STON1: variants seen among roughly 807,000 people sequenced by gnomAD.
STON1 encodes stonin-1.
STON1 carries 79 observed loss-of-function variants against 60.9 expected under a neutral mutation model. The observed-to-expected ratio is 1.30, with a 90% CI of 1.08 to 1.56. The LOEUF is 1.56. STON1 is among the 40% of genes most tolerant of loss of function. The pLI is 0.00. For synonymous variants in STON1, 363 were observed against 306.9 expected (o/e 1.18, Z -1.91); for missense variants, 1,166 against 858.9 (o/e 1.36, Z -4.47).
intron 1 of STON1, among the ~76,000 whole-genome samples, chr2:48,558,974 C>T (rs149649552): frequency 2.0e-5 from 3 of 152,136 alleles, no homozygotes; most frequent in East Asian, 1.9e-4. Context: ...CGAATGCTGA[C>T]CTGAGGCTGA....
chr2:48,570,851 T>G (rs1238484105), intron 1 of STON1, among the ~76,000 whole-genome samples: 2 of 137,202 alleles, frequency 1.5e-5, no homozygotes, highest in African/African-American at 2.8e-5. Context: ...GAGTTTTTTT[T>G]TTTTTTTTTT....
intron 1 of STON1, among the ~76,000 whole-genome samples, chr2:48,532,450 A>C (rs1021377917): frequency 4.6e-5 from 7 of 151,072 alleles, no homozygotes; most frequent in African/African-American, 9.7e-5. Context: ...AAAAAAAAAA[A>C]AACAACAAAA....
At chr2:48,570,787 A>C (rs747629003) in intron 1 of STON1, among the ~76,000 whole-genome samples, 2 of 148,610 alleles carry the variant, frequency 1.3e-5, no homozygotes, top group South Asian at 4.2e-4. Context: ...GCCATAATAC[A>C]TACTCCTTTT....
rs59738093 is a variant in STON1 at position 48,590,138 on chromosome 2, G to A, written c.1931-1515G>A. Among the ~76,000 whole-genome samples the A allele has an allele frequency of 6.6e-3, 999 of 152,226 alleles. 13 individuals carry two copies. Among genetic ancestry groups the A allele is most frequent in the African/African-American group, 0.022 (928 of 41,512 alleles). ...GACAGAGGACTAAAAAGAGTAATGG[G>A]GTTTGCAATCTTTCTGGGTGTGTGT... On this transcript the variant is annotated intron_variant, in intron 2 of 3. Transcript: ENST00000404752.
At chr2:48,575,714 G>A (rs1673450227) in intron 1 of STON1, among the ~76,000 whole-genome samples, 1 of 149,928 alleles carries the variant, frequency 6.7e-6, no homozygotes, top group Non-Finnish European at 1.5e-5. Context: ...ATACCCGTAA[G>A]TGGATTGCTG....
intron 2 of STON1, among the ~76,000 whole-genome samples, chr2:48,586,712 G>A (rs116148970): frequency 0.21 from 1,062 of 5,004 alleles, 14 homozygotes; most frequent in African/African-American, 0.46. Flanking sequence ...ACAGGGCCTC[G>A]GGGTTGTTTT....
At position 48,581,588 on chromosome 2, in the gene STON1, T is replaced by C. The variant is rs1407766180; in HGVS notation, c.955T>C (p.Phe319Leu). 6.2e-7 allele frequency: 1 copy of C among 1,614,086 alleles called. No homozygotes were observed. Among genetic ancestry groups the C allele is most frequent in the East Asian group, 2.2e-5 (1 of 44,902 alleles). Residue 319 changes from phenylalanine to leucine, a missense_variant, in exon 2 of 4, where the codon TTT (phenylalanine) becomes CTT (leucine). Phe to Leu is a conservative substitution (Grantham distance 22). Coordinates refer to ENST00000404752, the MANE Select transcript of STON1 (RefSeq NM_006873.4). ...MYYEQGLEKP[F>L]KEIQLDPYCR... Reference sequence around the variant, plus strand: ...TTATGAACAGGGATTAGAAAAACCATTTAAAGAGATACAGCTTGATCCATA... The same window carrying C: ...TTATGAACAGGGATTAGAAAAACCACTTAAAGAGATACAGCTTGATCCATA...
chr2:48,573,803 A>C (rs1482362059), intron 1 of STON1, among the ~76,000 whole-genome samples: 1 of 152,360 alleles, frequency 6.6e-6, no homozygotes, highest in East Asian at 1.9e-4. Flanking sequence ...GGATAAACAA[A>C]GTGTGATATT....
intron 1 of STON1, among the ~76,000 whole-genome samples, chr2:48,570,487 T>A (rs1673147346): frequency 6.6e-6 from 1 of 152,178 alleles, no homozygotes; most frequent in Non-Finnish European, 1.5e-5. Flanking sequence ...ATTAGTTAGT[T>A]CAGGGCTTCC....
chr2:48,569,813 T>G (rs1200820463), intron 1 of STON1, among the ~76,000 whole-genome samples: 1 of 152,226 alleles, frequency 6.6e-6, no homozygotes, highest in Non-Finnish European at 1.5e-5. Flanking sequence ...TTTTAGATTT[T>G]TTTGGATTTT....
At chr2:48,572,456 G>A (rs1456139309) in intron 1 of STON1, among the ~76,000 whole-genome samples, 1 of 152,138 alleles carries the variant, frequency 6.6e-6, no homozygotes, top group African/African-American at 2.4e-5. Flanking sequence ...ATAGATCTGG[G>A]TTTCAAGGTA....
At chr2:48,557,735 C>T (rs1672442034) in intron 1 of STON1, among the ~76,000 whole-genome samples, 1 of 152,116 alleles carries the variant, frequency 6.6e-6, no homozygotes, top group Non-Finnish European at 1.5e-5. Context: ...GGGCTAAGTG[C>T]AAAATTTTTT....
intron 1 of STON1, among the ~76,000 whole-genome samples, chr2:48,554,466 G>A (rs1672226769): frequency 1.3e-5 from 2 of 151,952 alleles, no homozygotes; most frequent in Admixed American, 6.6e-5. Context: ...CAGGTGATCT[G>A]CCTGCCTCGG....
chr2:48,557,772 T>C (rs1360845514), intron 1 of STON1, among the ~76,000 whole-genome samples: 3 of 152,246 alleles, frequency 2.0e-5, no homozygotes, highest in African/African-American at 7.2e-5. Context: ...GTCTTTGAAA[T>C]TCAATAAAGT....
rs1198967855 is a variant in STON1 at position 48,571,134 on chromosome 2, G to A, written c.-47-9453G>A. Among the ~76,000 whole-genome samples, 4 of 152,144 alleles carry A rather than the reference G, an allele frequency of 2.6e-5. No individual in the cohort carries two copies. In the East Asian group the frequency reaches 7.7e-4, roughly 29 times the overall value. ...GCCTTCCAAAGTGCTGGGATTACAG[G>A]CATGGGCCACTGTGACTGGCCTTGT... On this transcript the variant is annotated intron_variant, in intron 1 of 3. Transcript: ENST00000404752.
At chr2:48,592,365 T>C (rs1674569669) in intron 3 of STON1, among the ~76,000 whole-genome samples, 8 of 151,924 alleles carry the variant, frequency 5.3e-5, no homozygotes, top group Admixed American at 5.3e-4. Context: ...CACTTATCCC[T>C]ATCTTGTGGA....
At chr2:48,576,514 TTA>T (rs1213640027) in intron 1 of STON1, among the ~76,000 whole-genome samples, 106 of 134,612 alleles carry the variant, frequency 7.9e-4, no homozygotes, top group African/African-American at 1.4e-3. Flanking sequence ...TTTTTTTTTT[TTA>T]AAAGAAAATA....
At chr2:48,554,153 G>T (rs1249780677) in intron 1 of STON1, among the ~76,000 whole-genome samples, 2 of 152,192 alleles carry the variant, frequency 1.3e-5, no homozygotes, top group Admixed American at 6.5e-5. Context: ...GCTGGGCTGT[G>T]CAGAGGCACC....
chr2:48,542,760 C>G (rs530982334), intron 1 of STON1, among the ~76,000 whole-genome samples: 1 of 152,112 alleles, frequency 6.6e-6, no homozygotes, highest in Admixed American at 6.6e-5. Flanking sequence ...AAAAATTAGC[C>G]AGACGTGGTG....
Sources: gnomAD v4.1 joint callset for allele counts (sites outside exome capture counted in the v4.1 genomes callset) on GRCh38, gnomAD v4.1.1 for gene constraint, MANE v1.5 for transcripts, NCBI Gene and HGNC (gene_info 2026-07-23, HGNC 2026-07-21) for gene names.